The following KSR1 variants were observed in gnomAD, a reference collection of about 807,000 sequenced individuals.
KSR1 encodes kinase suppressor of ras.
In KSR1, 35 loss-of-function variants were observed where a neutral mutation model predicts 92.9. That is an observed-to-expected ratio of 0.38 (90% CI 0.29 to 0.50). KSR1 has a LOEUF of 0.50. Ranked by LOEUF, KSR1 falls within the 20% of genes least tolerant of loss-of-function variation. The pLI is 0.94. For missense variants in KSR1, 972 were observed against 1,158.5 expected (o/e 0.84, Z 2.34); for synonymous variants, 467 against 472.6 (o/e 0.99, Z 0.15).
intron 1 of KSR1, among the ~76,000 whole-genome samples, chr17:27,462,212 T>G (rs2019483350): frequency 6.6e-6 from 1 of 152,196 alleles, no homozygotes; most frequent in African/African-American, 2.4e-5. Flanking sequence ...ATCCTGATGT[T>G]GCAGATGAGG....
chr17:27,590,057 A>T (rs145307134), intron 6 of KSR1, among the ~76,000 whole-genome samples: 1 of 152,234 alleles, frequency 6.6e-6, no homozygotes, highest in African/African-American at 2.4e-5. Flanking sequence ...GTGTGTGTGT[A>T]TGTGAATTTA....
intron 1 of KSR1, among the ~76,000 whole-genome samples, chr17:27,486,621 T>G (rs2068673192): frequency 1.3e-5 from 2 of 152,138 alleles, no homozygotes; most frequent in African/African-American, 4.8e-5. Flanking sequence ...GTAGGGAGGC[T>G]TCAAAGCTCG....
chr17:27,595,760 TG>T (rs1262019474), intron 9 of KSR1, among the ~76,000 whole-genome samples: 1 of 150,700 alleles, frequency 6.6e-6, no homozygotes, highest in African/African-American at 2.4e-5. Context: ...GCCTGTCTGG[TG>T]GTGCTTTGCT....
At chr17:27,593,429 C>T (rs1382919443) in intron 9 of KSR1, among the ~76,000 whole-genome samples, 1 of 152,016 alleles carries the variant, frequency 6.6e-6, no homozygotes, top group Admixed American at 6.5e-5. Context: ...AGACCAGGGG[C>T]TTAGCGTGTG....
chr17:27,609,984 C>T (rs961113272), intron 16 of KSR1, 83 bp from the exon 17 acceptor site: 22 of 1,557,716 alleles, frequency 1.4e-5, no homozygotes, highest in Non-Finnish European at 1.7e-5. Context: ...GTTCTGCCGG[C>T]CCTGGGGCAG....
intron 1 of KSR1, among the ~76,000 whole-genome samples, chr17:27,476,333 G>A (rs947231602): frequency 7.9e-5 from 12 of 152,322 alleles, no homozygotes; most frequent in Admixed American, 7.2e-4. Flanking sequence ...GAGAAACAGG[G>A]AAGTTTCCAG....
chr17:27,618,856 C>T (rs9898153), intron 19 of KSR1, among the ~76,000 whole-genome samples: 2,005 of 152,154 alleles, frequency 0.013, 42 homozygotes, highest in African/African-American at 0.046. Flanking sequence ...GAAAAACTTT[C>T]CAAAAAAAAT....
intron 2 of KSR1, 137 bp downstream of exon 2, chr17:27,550,845 G>A: frequency 1.6e-6 from 1 of 617,222 alleles, no homozygotes; most frequent in South Asian, 1.8e-5. Context: ...AGGATGGGGA[G>A]GGACAGCAGC....
rs188418025 is a variant in KSR1, at chr17:27,534,523, A to T, written c.232-16045A>T. 7.9e-4 allele frequency among the ~76,000 whole-genome samples: 121 copies of T among 152,350 alleles called. 1 individual carries two copies. Among genetic ancestry groups the T allele is most frequent in the African/African-American group, 2.9e-3 (120 of 41,578 alleles). ...AGAGGGTGGTTAAGTAATCTGAGTTAAAGCAGCTAGTCAGTGGCCGAGCTG... is the reference window on the plus strand; with the variant it reads ...AGAGGGTGGTTAAGTAATCTGAGTTTAAGCAGCTAGTCAGTGGCCGAGCTG... On this transcript the variant is annotated intron_variant, in intron 1 of 20. Transcript: ENST00000644974.
chr17:27,540,774 C>T (rs1442350465), intron 1 of KSR1, among the ~76,000 whole-genome samples: 2 of 152,242 alleles, frequency 1.3e-5, no homozygotes, highest in Non-Finnish European at 2.9e-5. Flanking sequence ...TGCCTCTGGT[C>T]CCCTCGGAGC....
At chr17:27,537,235 C>G (rs1178979595) in intron 1 of KSR1, among the ~76,000 whole-genome samples, 1 of 152,172 alleles carries the variant, frequency 6.6e-6, no homozygotes, top group Non-Finnish European at 1.5e-5. Flanking sequence ...ACAAGGATTC[C>G]ATATCTCCAG....
chr17:27,460,334 G>A (rs1286536417), intron 1 of KSR1, among the ~76,000 whole-genome samples: 1 of 152,210 alleles, frequency 6.6e-6, no homozygotes, highest in African/African-American at 2.4e-5. Context: ...ATGTTCCAGG[G>A]ACATTGTGAC....
At chr17:27,526,389 G>C in intron 1 of KSR1, 3 of 1,494,780 alleles carry the variant, frequency 2.0e-6, no homozygotes, top group Middle Eastern at 4.6e-4. Context: ...CAAAGTCTTA[G>C]GGTGAATTGG....
At chr17:27,473,484 T>C (rs1382762336) in intron 1 of KSR1, among the ~76,000 whole-genome samples, 2 of 152,176 alleles carry the variant, frequency 1.3e-5, no homozygotes, top group Non-Finnish European at 1.5e-5. Context: ...TGGGGGCTTC[T>C]GGCTGAGCAG....
At chr17:27,620,977 T>C (rs1337226986) in intron 19 of KSR1, 1 of 381,808 alleles carries the variant, frequency 2.6e-6, no homozygotes, top group East Asian at 3.7e-5. Context: ...GTGTTTACTT[T>C]CTACACGCTT....
At chr17:27,524,854 G>A (rs1409538230) in intron 1 of KSR1, among the ~76,000 whole-genome samples, 1 of 152,190 alleles carries the variant, frequency 6.6e-6, no homozygotes, top group African/African-American at 2.4e-5. Context: ...TGGGTTCCTG[G>A]AGTGGCAGTG....
At chr17:27,524,371 A>G (rs1211040756) in intron 1 of KSR1, among the ~76,000 whole-genome samples, 1 of 152,112 alleles carries the variant, frequency 6.6e-6, no homozygotes, top group African/African-American at 2.4e-5. Context: ...TGAACAGCTG[A>G]GGAAATGTGT....
chr17:27,484,430 C>T (rs113866542), intron 1 of KSR1, among the ~76,000 whole-genome samples: 9,991 of 152,228 alleles, frequency 0.066, 444 homozygotes, highest in South Asian at 0.16. Flanking sequence ...CGGAGTTTCA[C>T]CATGTTGCCC....
intron 2 of KSR1, among the ~76,000 whole-genome samples, chr17:27,567,953 A>T (rs2072151333): frequency 6.6e-6 from 1 of 152,178 alleles, no homozygotes; most frequent in African/African-American, 2.4e-5. Context: ...GTTTCTTCCC[A>T]TCCCCTTGAA....
Sources: allele counts gnomAD v4.1 joint callset (sites outside exome capture counted in the v4.1 genomes callset), GRCh38; gene constraint gnomAD v4.1.1; transcripts MANE v1.5; gene names NCBI Gene and HGNC (gene_info 2026-07-23, HGNC 2026-07-21).